RHBDD1: variants seen among roughly 807,000 people sequenced by gnomAD.
RHBDD1 encodes the protein rhomboid domain containing 1.
In RHBDD1, 38 loss-of-function variants were observed where a neutral mutation model predicts 36.3. The ratio of observed to expected loss-of-function variants is 1.05; its 90% CI spans 0.81 to 1.37. The LOEUF is 1.37. Ranked by LOEUF, RHBDD1 falls within the 40% of genes most tolerant of loss-of-function variation. The pLI, the probability that RHBDD1 is intolerant of heterozygous loss-of-function variation, is 0.00. For missense variants in RHBDD1, 393 were observed against 377.6 expected, an observed-to-expected ratio of 1.04 and a Z score of -0.34; for synonymous variants, 151 against 136.5, an observed-to-expected ratio of 1.11 and a Z score of -0.74.
At chr2:226,887,355 C>G (rs1250440005) in intron 5 of RHBDD1, among the ~76,000 whole-genome samples, 1 of 151,992 alleles carries the variant, frequency 6.6e-6, no homozygotes, top group Non-Finnish European at 1.5e-5. Context: ...GAGTTCTTAC[C>G]CAGAGAACAT....
At chr2:226,936,017 C>T (rs1243280418) in intron 8 of RHBDD1, among the ~76,000 whole-genome samples, 2 of 152,108 alleles carry the variant, frequency 1.3e-5, no homozygotes, top group Non-Finnish European at 2.9e-5. Flanking sequence ...ACGACTAATT[C>T]TGTGTGACCA....
chr2:226,954,909 C>T (rs1357559709), intron 8 of RHBDD1, among the ~76,000 whole-genome samples: 3 of 151,568 alleles, frequency 2.0e-5, no homozygotes, highest in Non-Finnish European at 4.4e-5. Context: ...TGTTCATACA[C>T]GTATGGCGGG....
At chr2:226,951,553 A>C (rs1951427676) in intron 8 of RHBDD1, among the ~76,000 whole-genome samples, 1 of 152,184 alleles carries the variant, frequency 6.6e-6, no homozygotes, top group Admixed American at 6.5e-5. Flanking sequence ...TTCCTATGGG[A>C]ACTTCACTGT....
the RHBDD1 span, among the ~76,000 whole-genome samples, chr2:226,830,032 T>C: frequency 6.6e-6 from 1 of 152,152 alleles, no homozygotes; most frequent in African/African-American, 2.4e-5. Flanking sequence ...TTCCCTTCCA[T>C]TCCTACTTCC....
chr2:226,831,955 TG>T (rs1357012374), upstream of RHBDD1, among the ~76,000 whole-genome samples: 1 of 135,684 alleles, frequency 7.4e-6, no homozygotes, highest in Non-Finnish European at 1.5e-5. Context: ...TTAATTTTAC[TG>T]GTTTTTTTTT....
chr2:226,888,271 A>G (rs1368540775), intron 5 of RHBDD1, among the ~76,000 whole-genome samples: 1 of 152,192 alleles, frequency 6.6e-6, no homozygotes, highest in African/African-American at 2.4e-5. Flanking sequence ...GCTATAATTG[A>G]GTGTTCTCTG....
At chr2:226,915,671 G>A (rs577355670) in intron 8 of RHBDD1, among the ~76,000 whole-genome samples, 42 of 152,252 alleles carry the variant, frequency 2.8e-4, no homozygotes, top group African/African-American at 9.9e-4. Flanking sequence ...GCATGGAGGT[G>A]GGGAATGACA....
chr2:226,829,427 A>C, the RHBDD1 span, among the ~76,000 whole-genome samples: 1 of 152,130 alleles, frequency 6.6e-6, no homozygotes, highest in Non-Finnish European at 1.5e-5. Context: ...ATTTTGAGGG[A>C]TTGTGTATTG....
chr2:226,807,871 G>A, the RHBDD1 span, among the ~76,000 whole-genome samples: 4 of 152,100 alleles, frequency 2.6e-5, no homozygotes, highest in Non-Finnish European at 2.9e-5. Context: ...AGGCCGAGGC[G>A]GGCATGGTGG....
At chr2:226,974,328 C>A (rs998072516) in intron 8 of RHBDD1, among the ~76,000 whole-genome samples, 7 of 150,960 alleles carry the variant, frequency 4.6e-5, no homozygotes, top group African/African-American at 1.7e-4. Flanking sequence ...AGCTCCACCC[C>A]CTGGGTTCAC....
At chr2:226,895,551 C>T (rs371830605) in intron 5 of RHBDD1, 104 of 394,162 alleles carry the variant, frequency 2.6e-4, no homozygotes, top group African/African-American at 2.2e-3. Context: ...CTCACTGACT[C>T]TTTAACCTCT....
chr2:226,970,336 G>A (rs988220241), intron 8 of RHBDD1, among the ~76,000 whole-genome samples: 24 of 152,118 alleles, frequency 1.6e-4, no homozygotes, highest in African/African-American at 5.5e-4. Context: ...AGAAGACGGT[G>A]TCTGCTTAGA....
intron 8 of RHBDD1, among the ~76,000 whole-genome samples, chr2:226,916,033 A>G (rs955548398): frequency 2.0e-5 from 3 of 152,164 alleles, no homozygotes; most frequent in African/African-American, 7.2e-5. Flanking sequence ...GCCATGCCTC[A>G]TTCCTCAGCC....
chr2:226,948,606 A>C (rs555284169), intron 8 of RHBDD1, among the ~76,000 whole-genome samples: 10 of 151,154 alleles, frequency 6.6e-5, no homozygotes, highest in Admixed American at 2.0e-4. Context: ...AAAAATAAAA[A>C]AAAATAAAAT....
chr2:226,857,377 A>G (rs149029061), intron 3 of RHBDD1, among the ~76,000 whole-genome samples: 40 of 152,294 alleles, frequency 2.6e-4, no homozygotes, highest in Non-Finnish European at 4.9e-4. Flanking sequence ...AAAATTTCAC[A>G]GTTACTCAGA....
chr2:226,921,797 A>G (rs1475906143), intron 8 of RHBDD1, among the ~76,000 whole-genome samples: 1 of 152,166 alleles, frequency 6.6e-6, no homozygotes, highest in Non-Finnish European at 1.5e-5. Flanking sequence ...GAGGAAAAGA[A>G]TGTGTGTTCT....
intron 8 of RHBDD1, among the ~76,000 whole-genome samples, chr2:226,917,413 T>A (rs1431455350): frequency 1.3e-5 from 2 of 152,146 alleles, no homozygotes. Context: ...GAATAATTTT[T>A]ACTTTAAAAA....
At chr2:226,946,287 AT>A (rs1176806617) in intron 8 of RHBDD1, among the ~76,000 whole-genome samples, 2 of 152,042 alleles carry the variant, frequency 1.3e-5, no homozygotes, top group Admixed American at 1.3e-4. Context: ...TTTAGGTCTT[AT>A]GTTTAAGTCT....
chr2:226,929,233 T>TAG (rs1480727427), intron 8 of RHBDD1, among the ~76,000 whole-genome samples: 2 of 152,204 alleles, frequency 1.3e-5, no homozygotes, highest in East Asian at 3.9e-4. Flanking sequence ...CTGATGAACG[T>TAG]AGATGCAAAA....
Sources: gnomAD v4.1 joint callset for allele counts (sites outside exome capture counted in the v4.1 genomes callset) on GRCh38, gnomAD v4.1.1 for gene constraint, MANE v1.5 for transcripts, NCBI Gene and HGNC (gene_info 2026-07-23, HGNC 2026-07-21) for gene names.